PUSL1: variants seen among roughly 807,000 people sequenced by gnomAD.
PUSL1 encodes pseudouridine synthase like 1.
A neutral mutation model predicts 30.7 loss-of-function variants in PUSL1; 51 were observed. The ratio of observed to expected loss-of-function variants is 1.66; its 90% CI spans 1.33 to 2.10. The LOEUF (loss-of-function observed/expected upper bound fraction) is 2.10. Ranked by LOEUF, PUSL1 falls within the 30% of genes most tolerant of loss-of-function variation. PUSL1 has a pLI of 0.00. For missense variants in PUSL1, 609 were observed against 427.6 expected (o/e 1.42, Z -3.74); for synonymous variants, 290 against 192.1 (o/e 1.51, Z -4.21).
Position 1,309,091 on chromosome 1 carries a change from C to T in PUSL1, c.141C>T (p.Ala47=), listed in dbSNP as rs1216628504. 6.7e-7 allele frequency: 1 copy of T among 1,488,990 alleles called. No individual in the cohort carries two copies. The highest frequency in any genetic ancestry group is 8.9e-7 in the Non-Finnish European group (1 of 1,128,480). 92.2% of individuals were successfully genotyped at this position (1,488,990 alleles called of 1,614,324 possible). The change falls in exon 3 of 8, where the codon GCC becomes GCT. Residue 47 remains alanine, a synonymous_variant. Coordinates refer to ENST00000379031, the MANE Select transcript of PUSL1 (RefSeq NM_153339.3). ...CCCGCGGCTCGGTCCTGCAGGAGGC[C>T]GCCGAGCGGCTGAATTCCGTGGAGC... is the stretch of plus-strand genomic sequence containing the variant. ...AVGVQNYLEE[A]AERLNSVEPV... is the part of the protein sequence containing the mutation.
Position 1,310,671 on chromosome 1 carries a change from T to C in PUSL1, c.682T>C (p.Ser228Pro), listed in dbSNP as rs775516342. 19 of 1,592,316 alleles carry C rather than the reference T, an allele frequency of 1.2e-5. No individual in the cohort carries two copies. The East Asian group carries it at 3.6e-4, about 30-fold the overall frequency. Residue 228 changes from serine to proline, a missense_variant, in exon 6 of 8, where the codon TCT becomes CCT. Coordinates refer to ENST00000379031, the MANE Select transcript of PUSL1 (RefSeq NM_153339.3). ...RFWNLEFESQ[S>P]FLYRQVRRMT... is the part of the protein sequence containing the mutation. ...CTGGAACCTGGAGTTTGAGAGCCAG[T>C]CTTTCCTGTATAGACAGGTAGGCTC...
At chr1:1,310,850 T>C in intron 6 of PUSL1, 59 bp from the exon 7 acceptor site, 1 of 1,595,446 alleles carries the variant, frequency 6.3e-7, no homozygotes, top group South Asian at 1.1e-5. Context: ...GTACGGAGGA[T>C]GACGGCTGTG....
At position 1,308,670 on chromosome 1, in the gene PUSL1, C is replaced by T. The variant is rs931560648; in HGVS notation, c.27C>T (p.Ser9=). 2 of 1,546,982 alleles carry T rather than the reference C, an allele frequency of 1.3e-6. No individual in the cohort carries two copies. Among genetic ancestry groups the T allele is most frequent in the Non-Finnish European group, 1.7e-6 (2 of 1,150,906 alleles). MSSAPASG[S]VRARYLVYFQ... ...TGAGTTCGGCGCCGGCCTCAGGCTC[C>T]GTGCGCGCGCGCTATCTTGTGTACT... The change falls in exon 1 of 8, where the codon TCC becomes TCT. Residue 9 remains serine (S), a synonymous_variant. Transcript: ENST00000379031.
intron 1 of PUSL1, 21 bp from the exon 2 acceptor site, chr1:1,308,894 T>C: frequency 1.4e-6 from 2 of 1,410,132 alleles, no homozygotes; most frequent in Non-Finnish European, 1.8e-6. Context: ...CCCGGTAACC[T>C]CCGCCCGCTT....
At chr1:1,309,960 G>A (rs1046749533) in intron 5 of PUSL1, 109 bp downstream of exon 5, 3 of 860,704 alleles carry the variant, frequency 3.5e-6, no homozygotes, top group East Asian at 2.8e-5. Flanking sequence ...CAGGCAGCCG[G>A]GAGTCCTCAG....
rs757478910 is a variant in PUSL1 at position 1,309,540 on chromosome 1, G to T, written c.410G>T (p.Gly137Val). Residue 137 changes from glycine to valine, a missense_variant, in exon 4 of 8, where the codon GGC becomes GTC. Gly to Val is a moderately radical substitution (Grantham distance 109). Transcript: ENST00000379031. ...SRTYLYRLAT[G>V]CHRRDELPVF... ...ACCTACCTGTACCGCCTGGCCACTG[G>T]CTGTCACCGGCGTGATGAGCTGCCG... 1 of 1,611,080 alleles carries T rather than the reference G, an allele frequency of 6.2e-7. No homozygotes were observed. Among genetic ancestry groups the T allele is most frequent in the Non-Finnish European group, 8.5e-7 (1 of 1,179,478 alleles).
rs757447142 is a variant in PUSL1 at position 1,311,435 on chromosome 1, A to G, written c.*56A>G. ...ACCAGGCCCAACCCTGTGCTGGTCA[A>G]GCCAGGGCAGTCACAGCTGCTTGGG... is the stretch of plus-strand genomic sequence containing the variant. On this transcript the variant is annotated 3_prime_UTR_variant, in exon 8 of 8. Coordinates refer to ENST00000379031, the MANE Select transcript of PUSL1 (RefSeq NM_153339.3). 11 of 1,542,088 alleles carry G rather than the reference A, an allele frequency of 7.1e-6. No homozygotes were observed. The highest frequency in any genetic ancestry group is 9.7e-6 in the Non-Finnish European group (11 of 1,133,796).
At position 1,310,413 on chromosome 1, in the gene PUSL1, G is replaced by A. The variant is rs1210598139; in HGVS notation, c.645-221G>A. 7.3e-6 allele frequency: 4 copies of A among 550,402 alleles called. No homozygotes were observed. The East Asian group carries it at 8.9e-5, about 12-fold the overall frequency. 34.1% of individuals were successfully genotyped at this position (550,402 alleles called of 1,614,324 possible). On this transcript the variant is annotated intron_variant, in intron 5 of 7. Coordinates refer to ENST00000379031, the MANE Select transcript of PUSL1 (RefSeq NM_153339.3). Reference sequence around the variant, plus strand: ...GCCAGGCTACCTGCCCAGCCTCCAGGGTCCTGCTGCCTCCTTGCCCAAGCA... The same window carrying A: ...GCCAGGCTACCTGCCCAGCCTCCAGAGTCCTGCTGCCTCCTTGCCCAAGCA...
At chr1:1,309,024 C>A in intron 2 of PUSL1, 52 bp downstream of exon 2, 1 of 1,387,836 alleles carries the variant, frequency 7.2e-7, no homozygotes. Context: ...GGGAGGCTCC[C>A]GCCCGCGCGT....
Position 1,311,467 on chromosome 1 carries a change from A to G in PUSL1, c.*88A>G, listed in dbSNP as rs372779104. On this transcript the variant is annotated 3_prime_UTR_variant, in exon 8 of 8. Transcript: ENST00000379031. The stretch of plus-strand genomic sequence containing the variant: ...GCAGTCACAGCTGCTTGGGGCCCAC[A>G]GCACTGCTGCCTGGTCTCCACAGTA... 1 of 1,340,436 alleles carries G rather than the reference A, an allele frequency of 7.5e-7. No homozygotes were observed. Among genetic ancestry groups the G allele is most frequent in the South Asian group, 1.2e-5 (1 of 80,614 alleles). 83.0% of individuals were successfully genotyped at this position (1,340,436 alleles called of 1,614,324 possible).
Position 1,311,566 on chromosome 1 carries a change from C to G in PUSL1, c.*187C>G. On this transcript the variant is annotated 3_prime_UTR_variant, in exon 8 of 8. Coordinates refer to ENST00000379031, the MANE Select transcript of PUSL1 (RefSeq NM_153339.3). Reference sequence around the variant, plus strand: ...GCGGGATGGGGCACAGTGCAGGACACAGCCATGTACACCAAGAAGAGAGTA... The same window carrying G: ...GCGGGATGGGGCACAGTGCAGGACAGAGCCATGTACACCAAGAAGAGAGTA... 1 of 730,060 alleles carries G rather than the reference C, an allele frequency of 1.4e-6. No individual in the cohort carries two copies. Among genetic ancestry groups the G allele is most frequent in the South Asian group, 1.5e-5 (1 of 67,374 alleles). The allele number at this position is 730,060 out of a possible 1,614,324, so 45.2% of individuals were successfully genotyped here.
rs747533976 is a variant in PUSL1, at chr1:1,309,774, G to C, written c.567G>C (p.Pro189=). 2 of 1,570,428 alleles carry C rather than the reference G, an allele frequency of 1.3e-6. No homozygotes were observed. Among genetic ancestry groups the C allele is most frequent in the Non-Finnish European group, 1.7e-6 (2 of 1,158,160 alleles). The change falls in exon 5 of 8, where the codon CCG becomes CCC. Residue 189 remains proline (P), a synonymous_variant. Coordinates refer to ENST00000379031, the MANE Select transcript of PUSL1 (RefSeq NM_153339.3). ...SAFQSAGSPV[P]SPVRTLRRVS... ...TCCAGTCCGCTGGCAGCCCGGTGCC[G>C]AGCCCCGTGCGAACGCTGCGCCGGG...
Position 1,308,739 on chromosome 1 carries a change from G to A in PUSL1, c.77+19G>A, listed in dbSNP as rs1417067469. 20 of 1,519,978 alleles carry A rather than the reference G, an allele frequency of 1.3e-5. No homozygotes were observed. The East Asian group carries it at 5.4e-4, about 41-fold the overall frequency. 94.2% of individuals were successfully genotyped at this position (1,519,978 alleles called of 1,614,324 possible). On this transcript the variant is annotated intron_variant, in intron 1 of 7. Transcript: ENST00000379031. ...ACTTTAAGTAGGTTTCCCAGGCGCA[G>A]CGGCGGGCGCCACGTGGGCCCGGGC... is the stretch of plus-strand genomic sequence containing the variant.
chr1:1,310,746 G>A (rs776179372), intron 6 of PUSL1, 58 bp downstream of exon 6: 21 of 1,612,756 alleles, frequency 1.3e-5, no homozygotes, highest in South Asian at 2.2e-5. Flanking sequence ...GCAGGCCCCT[G>A]TGCAGTCTTG....
chr1:1,310,981 C>G lies in PUSL1; in HGVS notation c.772C>G (p.Leu258Val), dbSNP rs776859087. The G allele has an allele frequency of 1.3e-5, 21 of 1,610,906 alleles. No homozygotes were observed. Among genetic ancestry groups the G allele is most frequent in the Non-Finnish European group, 1.7e-5 (20 of 1,179,942 alleles). The part of the protein sequence containing the change: ...ALAPAQVKTI[L>V]ESQDPLGKHQ... ...GGCACCTGCCCAGGTGAAGACGATTCTGGAGAGCCAAGATCCCCTGGGCAA... is the reference window on the plus strand; with the variant it reads ...GGCACCTGCCCAGGTGAAGACGATTGTGGAGAGCCAAGATCCCCTGGGCAA... The change falls in exon 7 of 8, where the codon CTG becomes GTG. Residue 258 changes from leucine (L) to valine (V), a missense_variant. Leu to Val is a conservative substitution (Grantham distance 32, BLOSUM62 1). Transcript: ENST00000379031.
chr1:1,311,337 C>T lies in PUSL1; in HGVS notation c.870C>T (p.Ala290=), dbSNP rs1642138743. ...KSVLYGNLGA[A]SCTLQGPQFG... ...GGTCTGGTCCGTCCACAGGTGCTGC[C>T]TCCTGCACCCTGCAGGGGCCACAGT... The change falls in exon 8 of 8, where the codon GCC becomes GCT. Residue 290 remains alanine (A), a synonymous_variant. Coordinates refer to ENST00000379031, the MANE Select transcript of PUSL1 (RefSeq NM_153339.3). The T allele has an allele frequency of 1.3e-6, 2 of 1,584,372 alleles. No homozygotes were observed. The highest frequency in any genetic ancestry group is 1.7e-6 in the Non-Finnish European group (2 of 1,163,506).
chr1:1,311,255 G>A, intron 7 of PUSL1, 75 bp from the exon 8 acceptor site: 2 of 1,444,768 alleles, frequency 1.4e-6, no homozygotes, highest in South Asian at 1.4e-5. Flanking sequence ...CCTGGTCATG[G>A]GAGTGGTCTC....
chr1:1,310,495 C>CA, intron 5 of PUSL1, 139 bp from the exon 6 acceptor site: 2 of 702,590 alleles, frequency 2.8e-6, no homozygotes, highest in Non-Finnish European at 5.0e-6. Context: ...GGAGATCAGC[C>CA]AGGGCCCCTG....
Position 1,309,861 on chromosome 1 carries a change from G to T in PUSL1, c.644+10G>T. The T allele has an allele frequency of 2.7e-6, 4 of 1,486,612 alleles. No homozygotes were observed. The East Asian group carries it at 7.5e-5, about 28-fold the overall frequency. 92.1% of individuals were successfully genotyped at this position (1,486,612 alleles called of 1,614,324 possible). On this transcript the variant is annotated intron_variant, in intron 5 of 7. Coordinates refer to ENST00000379031, the MANE Select transcript of PUSL1 (RefSeq NM_153339.3). ...CCCCCGAGGAGAGCAGGTGAGGAAG[G>T]GCCCCTGGGCTGTGGCCCTGCCCTC...
Sources: gnomAD v4.1 joint callset for allele counts on GRCh38, gnomAD v4.1.1 for gene constraint, MANE v1.5 for transcripts, NCBI Gene and HGNC (gene_info 2026-07-23, HGNC 2026-07-21) for gene names.